GPM6A: variants seen among roughly 807,000 people sequenced by gnomAD.
GPM6A encodes neuronal membrane glycoprotein M6-a.
In GPM6A, 7 loss-of-function variants were observed where a neutral mutation model predicts 32.1. The observed-to-expected ratio is 0.22, with a 90% CI of 0.12 to 0.41. The LOEUF is 0.41. Among genes scored for constraint, GPM6A ranks in the 10% least tolerant of loss-of-function variants. The pLI is 1.00. For synonymous variants in GPM6A, 130 were observed against 123.4 expected, an observed-to-expected ratio of 1.05 and a Z score of -0.35; for missense variants, 235 against 347.2, an observed-to-expected ratio of 0.68 and a Z score of 2.57.
intron 1 of GPM6A, among the ~76,000 whole-genome samples, chr4:175,920,157 T>G (rs924873356): frequency 6.6e-6 from 1 of 152,246 alleles, no homozygotes; most frequent in Non-Finnish European, 1.5e-5. Flanking sequence ...GAAATTGTCC[T>G]TTCCAGGAAG....
intron 1 of GPM6A, among the ~76,000 whole-genome samples, chr4:175,897,667 G>A (rs897963740): frequency 6.6e-6 from 1 of 152,072 alleles, no homozygotes; most frequent in African/African-American, 2.4e-5. Flanking sequence ...TTAAGATTAG[G>A]GAGGCATGCA....
intron 1 of GPM6A, among the ~76,000 whole-genome samples, chr4:175,725,359 A>T (rs1259438638): frequency 5.3e-5 from 8 of 150,140 alleles, no homozygotes; most frequent in African/African-American, 2.0e-4. Flanking sequence ...TGGCGCCATC[A>T]TGGCTCACTG....
At chr4:175,974,689 T>G (rs898428804) in intron 1 of GPM6A, among the ~76,000 whole-genome samples, 1 of 152,102 alleles carries the variant, frequency 6.6e-6, no homozygotes, top group Non-Finnish European at 1.5e-5. Flanking sequence ...TCCTTTATTT[T>G]ATTTTATTTT....
At chr4:175,967,756 A>T (rs1454929044) in intron 1 of GPM6A, among the ~76,000 whole-genome samples, 2 of 152,198 alleles carry the variant, frequency 1.3e-5, no homozygotes, top group Admixed American at 1.3e-4. Flanking sequence ...ATTCTGATTA[A>T]TGAAGTCAGA....
At chr4:175,915,542 G>T (rs1560992175) in intron 1 of GPM6A, among the ~76,000 whole-genome samples, 3 of 152,008 alleles carry the variant, frequency 2.0e-5, no homozygotes. Context: ...CTGACCTCAA[G>T]GTGATCTGCT....
chr4:175,646,940 G>A (rs765181116), intron 4 of GPM6A, among the ~76,000 whole-genome samples: 5 of 152,138 alleles, frequency 3.3e-5, no homozygotes, highest in African/African-American at 7.2e-5. Flanking sequence ...CATCCACCTC[G>A]GCTGCAGTGC....
At chr4:175,803,191 A>ATCG (rs1734544262) in intron 1 of GPM6A, among the ~76,000 whole-genome samples, 1 of 151,226 alleles carries the variant, frequency 6.6e-6, no homozygotes, top group South Asian at 2.1e-4. Context: ...CATCATCATC[A>ATCG]TCATCATCAT....
At chr4:175,718,929 AG>A (rs1745977658) in intron 1 of GPM6A, among the ~76,000 whole-genome samples, 1 of 152,206 alleles carries the variant, frequency 6.6e-6, no homozygotes, top group Non-Finnish European at 1.5e-5. Flanking sequence ...AAGTTGTGAA[AG>A]AAAAATTAGA....
intron 1 of GPM6A, among the ~76,000 whole-genome samples, chr4:175,787,117 T>C (rs1414512271): frequency 2.6e-5 from 4 of 152,224 alleles, no homozygotes; most frequent in Admixed American, 2.0e-4. Context: ...GTTTTTGTTT[T>C]TTACCCTTGA....
chr4:175,893,228 C>T (rs1277174154), intron 1 of GPM6A, among the ~76,000 whole-genome samples: 3 of 152,136 alleles, frequency 2.0e-5, no homozygotes, highest in Admixed American at 6.5e-5. Context: ...CTGTGGCAGG[C>T]TTTTATTAAG....
At chr4:175,924,839 C>CAAAAAAAAA (rs1190915755) in intron 1 of GPM6A, among the ~76,000 whole-genome samples, 3 of 61,998 alleles carry the variant, frequency 4.8e-5, no homozygotes, top group Admixed American at 1.9e-4. Context: ...AAATCTGTCT[C>CAAAAAAAAA]AAAAAAAAAA....
chr4:175,935,547 A>G (rs1464377522), intron 1 of GPM6A, among the ~76,000 whole-genome samples: 1 of 152,212 alleles, frequency 6.6e-6, no homozygotes, highest in Non-Finnish European at 1.5e-5. Flanking sequence ...TACTCAGAAA[A>G]ATTAGAATTT....
rs185674197 is a variant in GPM6A at position 175,931,139 on chromosome 4, C to A, written c.-23+71170G>T. Among the ~76,000 whole-genome samples the A allele has an allele frequency of 1.4e-3, 215 of 152,236 alleles. 1 individual carries two copies. Among genetic ancestry groups the A allele is most frequent in the African/African-American group, 4.7e-3 (194 of 41,550 alleles). On this transcript the variant is annotated intron_variant, in intron 1 of 7. Coordinates refer to the GPM6A transcript ENST00000280187. The stretch of plus-strand genomic sequence containing the variant: ...AACTGGGAACTGAGATTGAGATAGG[C>A]ACAGTTCTAAGAACTTATTTCTCAT...
At chr4:175,637,124 TATATA>T (rs1427625442) in intron 6 of GPM6A, among the ~76,000 whole-genome samples, 10 of 98,550 alleles carry the variant, frequency 1.0e-4, no homozygotes, top group East Asian at 2.6e-4. Flanking sequence ...TGATATATAA[TATATA>T]ATATATTATA....
chr4:175,660,110 A>T (rs915564080), intron 3 of GPM6A, among the ~76,000 whole-genome samples: 6 of 152,152 alleles, frequency 3.9e-5, no homozygotes, highest in Non-Finnish European at 8.8e-5. Flanking sequence ...ATTAAAAAAA[A>T]GTATATAGGC....
At position 175,895,906 on chromosome 4, in the gene GPM6A, T is replaced by C. The variant is rs900138169; in HGVS notation, c.-22-83657A>G. On this transcript the variant is annotated intron_variant, in intron 1 of 7. Transcript: ENST00000280187. Reference sequence around the variant, plus strand: ...AAACCCTGAAATATTTGATCTACTTTGTTTTTTATTTTATTATGTTTTCTA... The same window carrying C: ...AAACCCTGAAATATTTGATCTACTTCGTTTTTTATTTTATTATGTTTTCTA... Among the ~76,000 whole-genome samples, 3 of 152,326 alleles carry C rather than the reference T, an allele frequency of 2.0e-5. No individual in the cohort carries two copies. In the South Asian group the frequency reaches 6.2e-4, roughly 32 times the overall value.
intron 4 of GPM6A, among the ~76,000 whole-genome samples, chr4:175,646,378 T>C (rs996449614): frequency 2.6e-5 from 4 of 152,206 alleles, no homozygotes; most frequent in African/African-American, 7.2e-5. Context: ...TAAAGTGTCC[T>C]TTTGAATAGC....
At chr4:175,944,638 T>C (rs1222640539) in intron 1 of GPM6A, among the ~76,000 whole-genome samples, 1 of 152,168 alleles carries the variant, frequency 6.6e-6, no homozygotes, top group African/African-American at 2.4e-5. Context: ...TCTCTGCACA[T>C]CTCCCTCATT....
At chr4:175,682,602 C>G (rs1743749492) in intron 2 of GPM6A, among the ~76,000 whole-genome samples, 1 of 152,154 alleles carries the variant, frequency 6.6e-6, no homozygotes, top group Non-Finnish European at 1.5e-5. Flanking sequence ...GGGACAAGTC[C>G]AGGGCCCCAC....
Sources: gnomAD v4.1 joint callset for allele counts (sites outside exome capture counted in the v4.1 genomes callset) on GRCh38, gnomAD v4.1.1 for gene constraint, MANE v1.5 for transcripts, NCBI Gene and HGNC (gene_info 2026-07-23, HGNC 2026-07-21) for gene names.